Variants in SGCZ observed in about 807,000 individuals in gnomAD.
SGCZ encodes sarcoglycan zeta, also known as zeta-sarcoglycan.
A neutral mutation model predicts 41.3 loss-of-function variants in SGCZ; 40 were observed. The observed-to-expected ratio is 0.97, with a 90% CI of 0.75 to 1.26. The LOEUF (loss-of-function observed/expected upper bound fraction) is 1.26, where lower values mean the gene tolerates loss of function less well. Among genes scored for constraint, SGCZ ranks in the 50% most tolerant of loss-of-function variants. The pLI, the probability that SGCZ is intolerant of heterozygous loss-of-function variation, is 0.00. For missense variants in SGCZ, 552 were observed against 369.8 expected (o/e 1.49, Z -4.04); for synonymous variants, 206 against 137.5 (o/e 1.50, Z -3.49).
At chr8:14,413,463 G>C (rs1471047742) in intron 2 of SGCZ, among the ~76,000 whole-genome samples, 1 of 151,720 alleles carries the variant, frequency 6.6e-6, no homozygotes, top group African/African-American at 2.4e-5. Flanking sequence ...TAAGATTTCT[G>C]TCGTAAGTGG....
chr8:15,042,991 T>C (rs535210394), intron 1 of SGCZ, among the ~76,000 whole-genome samples: 1 of 152,296 alleles, frequency 6.6e-6, no homozygotes, highest in South Asian at 2.1e-4. Context: ...AACTTCATGA[T>C]TAGCTATTTT....
chr8:14,693,889 G>A (rs890505043), intron 1 of SGCZ, among the ~76,000 whole-genome samples: 12 of 152,070 alleles, frequency 7.9e-5, no homozygotes, highest in African/African-American at 2.9e-4. Context: ...ACCATGTCTG[G>A]CCTTGAGGGC....
At chr8:14,696,504 T>A (rs1808968438) in intron 1 of SGCZ, among the ~76,000 whole-genome samples, 1 of 152,174 alleles carries the variant, frequency 6.6e-6, no homozygotes, top group Non-Finnish European at 1.5e-5. Flanking sequence ...AGGATGCTGC[T>A]TTGCATTTGT....
At chr8:14,424,870 G>T (rs559569928) in intron 2 of SGCZ, among the ~76,000 whole-genome samples, 1 of 152,218 alleles carries the variant, frequency 6.6e-6, no homozygotes, top group South Asian at 2.1e-4. Flanking sequence ...TGAACGGCTG[G>T]TAAAATAAAT....
At chr8:14,516,326 G>A (rs542492878) in intron 2 of SGCZ, among the ~76,000 whole-genome samples, 21 of 151,870 alleles carry the variant, frequency 1.4e-4, no homozygotes, top group Non-Finnish European at 2.5e-4. Flanking sequence ...GAGGACCTGT[G>A]TCTGTTGTTC....
At chr8:14,637,629 A>G (rs1806877543) in intron 1 of SGCZ, among the ~76,000 whole-genome samples, 1 of 151,762 alleles carries the variant, frequency 6.6e-6, no homozygotes, top group Non-Finnish European at 1.5e-5. Context: ...AGCTGCGTCC[A>G]TGGTGCTGCA....
chr8:14,980,954 A>G (rs1244523281), intron 1 of SGCZ, among the ~76,000 whole-genome samples: 1 of 152,180 alleles, frequency 6.6e-6, no homozygotes, highest in East Asian at 1.9e-4. Flanking sequence ...ACCATGCCTC[A>G]TTACTGGACA....
At chr8:14,376,374 C>A (rs969346584) in intron 2 of SGCZ, among the ~76,000 whole-genome samples, 7 of 151,870 alleles carry the variant, frequency 4.6e-5, no homozygotes, top group Non-Finnish European at 5.9e-5. Context: ...ACTATTGTAA[C>A]AACACAAACA....
intron 1 of SGCZ, among the ~76,000 whole-genome samples, chr8:14,640,529 C>T (rs1369207022): frequency 2.0e-5 from 3 of 151,560 alleles, no homozygotes; most frequent in Non-Finnish European, 2.9e-5. Context: ...AATGTATCTT[C>T]GTGAATATTC....
At chr8:14,171,506 T>C (rs1804380651) in intron 4 of SGCZ, among the ~76,000 whole-genome samples, 1 of 151,986 alleles carries the variant, frequency 6.6e-6, no homozygotes, top group African/African-American at 2.4e-5. Flanking sequence ...CAGTACAAGT[T>C]CCACATGAAA....
chr8:14,999,458 C>G (rs77573880), intron 1 of SGCZ, among the ~76,000 whole-genome samples: 1,587 of 152,182 alleles, frequency 0.01, 31 homozygotes, highest in African/African-American at 0.037. Flanking sequence ...GGAAAAAGTT[C>G]TCCAATAAAA....
intron 1 of SGCZ, among the ~76,000 whole-genome samples, chr8:14,849,514 T>G (rs1432027556): frequency 6.6e-6 from 1 of 152,180 alleles, no homozygotes; most frequent in Non-Finnish European, 1.5e-5. Context: ...CAACATGGTT[T>G]GATCTCAAAA....
chr8:14,473,488 T>C (rs1801268601), intron 2 of SGCZ, among the ~76,000 whole-genome samples: 1 of 152,130 alleles, frequency 6.6e-6, no homozygotes, highest in African/African-American at 2.4e-5. Context: ...AAAAATGAAT[T>C]CAATACATCA....
At chr8:14,424,071 A>G (rs527730116) in intron 2 of SGCZ, among the ~76,000 whole-genome samples, 1 of 152,320 alleles carries the variant, frequency 6.6e-6, no homozygotes, top group Non-Finnish European at 1.5e-5. Context: ...CTTCAGGAAT[A>G]TGTAGGAGGT....
At chr8:14,691,920 CTT>C (rs1808812187) in intron 1 of SGCZ, among the ~76,000 whole-genome samples, 1 of 151,724 alleles carries the variant, frequency 6.6e-6, no homozygotes, top group South Asian at 2.1e-4. Context: ...ATATTGTGTT[CTT>C]GTTTTTTCAA....
At chr8:15,142,676 A>G (rs1403934754) in intron 1 of SGCZ, among the ~76,000 whole-genome samples, 1 of 137,504 alleles carries the variant, frequency 7.3e-6, no homozygotes, top group African/African-American at 2.7e-5. Flanking sequence ...CCACCCCCCA[A>G]TCTCATCTCA....
At chr8:14,177,958 C>CTTTTCTTTCTTTTTCTTTTTTT (rs767919994) in intron 4 of SGCZ, among the ~76,000 whole-genome samples, 1 of 95,050 alleles carries the variant, frequency 1.1e-5, no homozygotes, top group African/African-American at 3.7e-5. Flanking sequence ...CTTTTTTTTT[C>CTTTTCTTTCTTTTTCTTTTTTT]TTTTTTTTTT....
chr8:14,643,108 T>C (rs1807081433), intron 1 of SGCZ, among the ~76,000 whole-genome samples: 1 of 151,664 alleles, frequency 6.6e-6, no homozygotes, highest in African/African-American at 2.4e-5. Flanking sequence ...CCTATACACT[T>C]CTTCCAAAAG....
intron 3 of SGCZ, among the ~76,000 whole-genome samples, chr8:14,280,061 G>A (rs74664960): frequency 0.012 from 1,889 of 151,938 alleles, 47 homozygotes; most frequent in African/African-American, 0.042. Context: ...CATACAATGT[G>A]GGATTTTGTT....
Sources: allele counts gnomAD v4.1 joint callset (sites outside exome capture counted in the v4.1 genomes callset), GRCh38; gene constraint gnomAD v4.1.1; transcripts MANE v1.5; gene names NCBI Gene and HGNC (gene_info 2026-07-23, HGNC 2026-07-21).